SH3GL1: variants seen among roughly 807,000 people sequenced by gnomAD.
SH3GL1 encodes SH3 domain containing GRB2 like 1, endophilin A2.
SH3GL1 carries 21 observed loss-of-function variants against 48.8 expected under a neutral mutation model. The observed-to-expected ratio is 0.43, with a 90% CI of 0.30 to 0.62. The LOEUF is 0.62. Among genes scored for constraint, SH3GL1 ranks in the 20% least tolerant of loss-of-function variants. The probability of loss-of-function intolerance (pLI) is 0.11; values close to 1 mark genes in which losing one functional copy is unlikely to be tolerated. For synonymous variants in SH3GL1, 282 were observed against 217.5 expected (o/e 1.30, Z -2.61); for missense variants, 454 against 503.0 (o/e 0.90, Z 0.93).
At chr19:4,383,539 C>T (rs919029578) in intron 1 of SH3GL1, among the ~76,000 whole-genome samples, 3 of 152,120 alleles carry the variant, frequency 2.0e-5, no homozygotes, top group African/African-American at 4.8e-5. Context: ...GTCCTTTATG[C>T]GTATTTCCTT....
At chr19:4,368,487 C>A (rs1972829865) in intron 1 of SH3GL1, among the ~76,000 whole-genome samples, 1 of 152,244 alleles carries the variant, frequency 6.6e-6, no homozygotes, top group Non-Finnish European at 1.5e-5. Flanking sequence ...CAAAAGGTAG[C>A]CTGCCCGGAG....
rs1490131777 is a variant in SH3GL1 at position 4,364,213 on chromosome 19, A to G, written c.340T>C (p.Leu114=). 8 of 1,613,762 alleles carry G rather than the reference A, an allele frequency of 5.0e-6. No individual in the cohort carries two copies. In the African/African-American group the frequency reaches 6.7e-5, roughly 13 times the overall value. ...LGGESNFGDA[L]LDAGESMKRL... ...TTCATGGACTCGCCGGCATCCAGCA[A>G]TGCGTCACCTGTGGAGAAGTGGTGG... is the stretch of plus-strand genomic sequence containing the variant. Residue 114 remains leucine, a synonymous_variant, in exon 5 of 10, where the codon TTG becomes CTG. Transcript: ENST00000269886.
At chr19:4,398,985 T>G (rs1396844901) in intron 1 of SH3GL1, among the ~76,000 whole-genome samples, 1 of 152,096 alleles carries the variant, frequency 6.6e-6, no homozygotes, top group Non-Finnish European at 1.5e-5. Context: ...TTAAATAAAT[T>G]ATGGTATATG....
chr19:4,371,451 A>G (rs1455099029), intron 1 of SH3GL1, among the ~76,000 whole-genome samples: 2 of 152,100 alleles, frequency 1.3e-5, no homozygotes, highest in Non-Finnish European at 2.9e-5. Flanking sequence ...GGATTTAAAC[A>G]TCTCAGCGGG....
At position 4,376,830 on chromosome 19, in the gene SH3GL1, C is replaced by G. The variant is rs1973018405; in HGVS notation, c.46-9836G>C. On this transcript the variant is annotated intron_variant, in intron 1 of 9. Coordinates refer to ENST00000269886, the MANE Select transcript of SH3GL1 (RefSeq NM_003025.4). The surrounding 1 kb of genome is among the most constrained non-coding windows in gnomAD (Gnocchi z 4.3). Reference sequence around the variant, plus strand: ...TCTTGCTTGCTTGTTTTCGGGTCCCCTGCTGTCCCGTCTCAGACACAGGAA... The same window carrying G: ...TCTTGCTTGCTTGTTTTCGGGTCCCGTGCTGTCCCGTCTCAGACACAGGAA... Among the ~76,000 whole-genome samples, 1 of 152,182 alleles carries G rather than the reference C, an allele frequency of 6.6e-6. No homozygotes were observed.
In SH3GL1 at chr19:4,365,547, G is replaced by C; in HGVS notation, c.266C>G (p.Ser89Trp). ...CATGCACTCGCCCAGAAGCCCCTCC[G>C]ACTGCGGGTAGCCGGGGTTCTTCAC... ...GQVKNPGYPQ[S>W]EGLLGECMIR... Residue 89 changes from serine (S) to tryptophan (W), a missense_variant, in exon 4 of 10, where the codon TCG becomes TGG. Physicochemically the swap from Ser to Trp is radical, Grantham distance 177 (BLOSUM62 -3). Around this residue, in one of 2 missense-constraint regions of SH3GL1, gnomAD observed 176 missense variants for 256.2 expected, o/e 0.69. Coordinates refer to ENST00000269886, the MANE Select transcript of SH3GL1 (RefSeq NM_003025.4). 1 of 1,614,068 alleles carries C rather than the reference G, an allele frequency of 6.2e-7. No individual in the cohort carries two copies. Among genetic ancestry groups the C allele is most frequent in the Non-Finnish European group, 8.5e-7 (1 of 1,180,032 alleles).
chr19:4,368,868 G>C lies in SH3GL1; in HGVS notation c.46-1874C>G, dbSNP rs182795845. On this transcript the variant is annotated intron_variant, in intron 1 of 9. Coordinates refer to ENST00000269886, the MANE Select transcript of SH3GL1 (RefSeq NM_003025.4). ...AGGCGGATCATGAGGTCAGGAGATCGAGACCATCCTGGCTAACACAGTGAA... is the reference window on the plus strand; with the variant it reads ...AGGCGGATCATGAGGTCAGGAGATCCAGACCATCCTGGCTAACACAGTGAA... 2.2e-3 allele frequency among the ~76,000 whole-genome samples: 330 copies of C among 152,198 alleles called. 1 individual carries two copies. The highest frequency in any genetic ancestry group is 3.3e-3 in the Non-Finnish European group (226 of 68,022).
chr19:4,400,237 G>A lies in SH3GL1; in HGVS notation c.45+87C>T, dbSNP rs1042635293. Reference sequence around the variant, plus strand: ...CAACGTCCCCACCTCGGTCCCCCCGGCCCCCTCCCGGGCCAGGTCGGGCCT... The same window carrying A: ...CAACGTCCCCACCTCGGTCCCCCCGACCCCCTCCCGGGCCAGGTCGGGCCT... On this transcript the variant is annotated intron_variant, in intron 1 of 9. Transcript: ENST00000269886. The surrounding 1 kb of genome is among the most constrained non-coding windows in gnomAD (Gnocchi z 4.1). 1 of 1,431,218 alleles carries A rather than the reference G, an allele frequency of 7.0e-7. No homozygotes were observed. Among genetic ancestry groups the A allele is most frequent in the Non-Finnish European group, 9.5e-7 (1 of 1,057,208 alleles). The allele number at this position is 1,431,218 out of a possible 1,614,324, so 88.7% of individuals were successfully genotyped here.
chr19:4,363,432 CTG>C lies in SH3GL1; in HGVS notation c.664_665del (p.Gln222AlafsTer30). 6.2e-7 allele frequency: 1 copy of C among 1,612,874 alleles called. No individual in the cohort carries two copies. The highest frequency in any genetic ancestry group is 8.5e-7 in the Non-Finnish European group (1 of 1,179,744). ...VSQLSALVDAQLDYHRQAVQI... is the reference protein window; with the variant it reads ...VSQLSALVDAXLDYHRQAVQI... Reference sequence around the variant, plus strand: ...GCACGGCCTGCCGGTGGTAGTCCAGCTGTGCATCCACCAGGGCCGAGAGCTGA... The same window carrying C: ...GCACGGCCTGCCGGTGGTAGTCCAGCTGCATCCACCAGGGCCGAGAGCTGA... On this transcript the variant is annotated frameshift_variant, in exon 7 of 10. Transcript: ENST00000269886. LOFTEE classifies it high-confidence loss of function.
At chr19:4,369,043 G>A (rs1247801002) in intron 1 of SH3GL1, among the ~76,000 whole-genome samples, 1 of 152,064 alleles carries the variant, frequency 6.6e-6, no homozygotes, top group Non-Finnish European at 1.5e-5. Flanking sequence ...CTGCACTCCA[G>A]CCTAGGCGAC....
intron 7 of SH3GL1, 96 bp from the exon 8 acceptor site, chr19:4,362,832 A>C (rs745716079): frequency 2.5e-5 from 40 of 1,585,352 alleles, no homozygotes; most frequent in Non-Finnish European, 3.3e-5. Flanking sequence ...CTGGCCTGGG[A>C]CTGCAGGAAG....
chr19:4,374,783 T>C (rs1416160188), intron 1 of SH3GL1, among the ~76,000 whole-genome samples: 1 of 152,162 alleles, frequency 6.6e-6, no homozygotes, highest in Non-Finnish European at 1.5e-5. Context: ...CAGCAGTCCT[T>C]GGAAACGCAT....
At chr19:4,369,871 AG>A (rs1972860649) in intron 1 of SH3GL1, among the ~76,000 whole-genome samples, 1 of 152,202 alleles carries the variant, frequency 6.6e-6, no homozygotes. Flanking sequence ...CTTCTCTCCA[AG>A]GCTTATGGGC....
At chr19:4,369,933 G>A (rs1158442013) in intron 1 of SH3GL1, among the ~76,000 whole-genome samples, 2 of 152,256 alleles carry the variant, frequency 1.3e-5, no homozygotes, top group Non-Finnish European at 2.9e-5. Context: ...AGGGAAACAC[G>A]GGAAAAGCAA....
intron 1 of SH3GL1, among the ~76,000 whole-genome samples, chr19:4,397,405 C>T (rs1894852638): frequency 6.6e-6 from 1 of 152,238 alleles, no homozygotes. Context: ...GGTCATCCTG[C>T]TTCCCTTGAG....
chr19:4,367,080 A>G lies in SH3GL1; in HGVS notation c.46-86T>C, dbSNP rs975352818. The stretch of plus-strand genomic sequence containing the variant: ...AGGCCCTGAGCCGCCTTCCAGCCAC[A>G]TCGCATCCACAGCTGGAGGCAGGAG... On this transcript the variant is annotated intron_variant, in intron 1 of 9. Coordinates refer to ENST00000269886, the MANE Select transcript of SH3GL1 (RefSeq NM_003025.4). The surrounding 1 kb of genome is among the most constrained non-coding windows in gnomAD (Gnocchi z 4.2). 20 of 1,225,982 alleles carry G rather than the reference A, an allele frequency of 1.6e-5. No individual in the cohort carries two copies. Among genetic ancestry groups the G allele is most frequent in the South Asian group, 3.6e-5 (3 of 83,132 alleles). The allele number at this position is 1,225,982 out of a possible 1,614,324, so 75.9% of individuals were successfully genotyped here. A position where few individuals can be genotyped will look rare whatever the true frequency, so the allele number is the denominator to read the frequency against.
chr19:4,363,807 G>C lies in SH3GL1; in HGVS notation c.537C>G (p.Pro179=), dbSNP rs143506885. Residue 179 remains proline (P), a synonymous_variant, in exon 6 of 10, where the codon CCC becomes CCG. Coordinates refer to ENST00000269886, the MANE Select transcript of SH3GL1 (RefSeq NM_003025.4). The stretch of plus-strand genomic sequence containing the variant: ...CCAGCGCCTGGCGTAGCTCCTCATC[G>C]GGGATCTTGCCCTGCCGCTTCTTCT... ...DYKKKRQGKI[P]DEELRQALEK... is the part of the protein sequence containing the mutation. 2 of 1,613,644 alleles carry C rather than the reference G, an allele frequency of 1.2e-6. No homozygotes were observed. Among genetic ancestry groups the C allele is most frequent in the African/African-American group, 1.3e-5 (1 of 75,048 alleles).
At chr19:4,382,142 C>A (rs985120934) in intron 1 of SH3GL1, among the ~76,000 whole-genome samples, 4 of 152,150 alleles carry the variant, frequency 2.6e-5, no homozygotes, top group Non-Finnish European at 5.9e-5. Context: ...CGGCCCCCTC[C>A]TCCCTCCATT....
In SH3GL1 at chr19:4,400,028, C is replaced by A. The variant is rs1261314104; in HGVS notation, c.45+296G>T. The stretch of plus-strand genomic sequence containing the variant: ...CTCCTCTCTTCCCCTTCTCTCCCCG[C>A]ACCCCGCCTTTGCAGCGGAGAGAAG... On this transcript the variant is annotated intron_variant, in intron 1 of 9. Coordinates refer to ENST00000269886, the MANE Select transcript of SH3GL1 (RefSeq NM_003025.4). This position sits in a 1 kb window ranked among gnomAD's most constrained non-coding sequence, Gnocchi z 4.1. Among the ~76,000 whole-genome samples the A allele has an allele frequency of 6.6e-6, 1 of 152,180 alleles. No individual in the cohort carries two copies. The highest frequency in any genetic ancestry group is 6.5e-5 in the Admixed American group (1 of 15,288).
Sources: allele counts gnomAD v4.1 joint callset (sites outside exome capture counted in the v4.1 genomes callset), GRCh38; gene constraint gnomAD v4.1.1; regional missense constraint gnomAD v4.1.1; non-coding constraint Gnocchi (gnomAD v3.1); transcripts MANE v1.5; gene names NCBI Gene and HGNC (gene_info 2026-07-23, HGNC 2026-07-21).